LRIG3: variants seen among roughly 807,000 people sequenced by gnomAD.
The protein encoded by LRIG3 is leucine rich repeats and immunoglobulin like domains 3.
A neutral mutation model predicts 114.5 loss-of-function variants in LRIG3; 76 were observed. The observed-to-expected ratio is 0.66, with a 90% CI of 0.55 to 0.80. The LOEUF (loss-of-function observed/expected upper bound fraction) is 0.80. Among genes scored for constraint, LRIG3 ranks in the 30% least tolerant of loss-of-function variants. LRIG3 has a pLI of 0.00. For missense variants in LRIG3, 1,239 were observed against 1,382.8 expected (o/e 0.90, Z 1.65); for synonymous variants, 512 against 519.8 (o/e 0.98, Z 0.20).
At chr12:58,879,532 C>A (rs1013521107) in intron 13 of LRIG3, among the ~76,000 whole-genome samples, 5 of 152,138 alleles carry the variant, frequency 3.3e-5, no homozygotes, top group Non-Finnish European at 7.4e-5. Context: ...TTTTGCCCTA[C>A]AATTTAAACT....
intron 3 of LRIG3, among the ~76,000 whole-genome samples, chr12:58,909,176 T>C (rs1872179750): frequency 6.6e-6 from 1 of 152,206 alleles, no homozygotes; most frequent in Non-Finnish European, 1.5e-5. Context: ...TCTCCAGGAC[T>C]TAATCCCCTT....
intron 3 of LRIG3, among the ~76,000 whole-genome samples, chr12:58,900,744 A>G (rs555198578): frequency 2.0e-5 from 3 of 152,370 alleles, no homozygotes; most frequent in African/African-American, 4.8e-5. Flanking sequence ...ACATTCAGTT[A>G]AACTAATTTC....
At chr12:58,907,450 G>A (rs1872107399) in intron 3 of LRIG3, among the ~76,000 whole-genome samples, 1 of 152,134 alleles carries the variant, frequency 6.6e-6, no homozygotes, top group Non-Finnish European at 1.5e-5. Flanking sequence ...TTGCTGCCAG[G>A]ATAATGTTTC....
chr12:58,883,099 C>G, intron 11 of LRIG3, 67 bp from the exon 12 acceptor site: 1 of 1,464,162 alleles, frequency 6.8e-7, no homozygotes, highest in Non-Finnish European at 9.2e-7. Context: ...AAACTAAACC[C>G]AAGTAAATAT....
At chr12:58,901,914 G>A (rs924893019) in intron 3 of LRIG3, among the ~76,000 whole-genome samples, 2 of 152,144 alleles carry the variant, frequency 1.3e-5, no homozygotes, top group African/African-American at 2.4e-5. Context: ...CCCTTCCAGG[G>A]ATTTCTCTAC....
intron 3 of LRIG3, among the ~76,000 whole-genome samples, chr12:58,911,620 C>A (rs538431397): frequency 6.6e-6 from 1 of 152,146 alleles, no homozygotes; most frequent in Non-Finnish European, 1.5e-5. Context: ...TTAATTGTGA[C>A]GCTACAGCAA....
At chr12:58,878,540 G>C (rs1317404298) in intron 14 of LRIG3, among the ~76,000 whole-genome samples, 1 of 152,090 alleles carries the variant, frequency 6.6e-6, no homozygotes, top group African/African-American at 2.4e-5. Context: ...GAAATTAGAG[G>C]AGGGTGATCC....
chr12:58,899,587 CCTTT>C (rs972944134), intron 3 of LRIG3, among the ~76,000 whole-genome samples: 7 of 151,318 alleles, frequency 4.6e-5, no homozygotes, highest in Admixed American at 4.6e-4. Flanking sequence ...GACATAGTAC[CCTTT>C]CTTTTCTCTC....
At chr12:58,880,329 AAG>A in intron 13 of LRIG3, 2 of 627,678 alleles carry the variant, frequency 3.2e-6, no homozygotes, top group Non-Finnish European at 5.7e-6. Context: ...AGAAAAAAAA[AAG>A]AGCAAAAACA....
At chr12:58,913,212 ATTT>A (rs1224230646) in intron 3 of LRIG3, among the ~76,000 whole-genome samples, 1 of 152,228 alleles carries the variant, frequency 6.6e-6, no homozygotes, top group African/African-American at 2.4e-5. Flanking sequence ...AAAGAAAAAC[ATTT>A]TTTAACATCA....
At chr12:58,877,942 C>A in intron 14 of LRIG3, 90 bp from the exon 15 acceptor site, 1 of 1,312,110 alleles carries the variant, frequency 7.6e-7, no homozygotes, top group Non-Finnish European at 1.0e-6. Context: ...CAAATTGTAA[C>A]CTAAAATTTT....
intron 3 of LRIG3, among the ~76,000 whole-genome samples, chr12:58,898,860 T>C (rs997884297): frequency 4.6e-5 from 7 of 151,950 alleles, no homozygotes; most frequent in African/African-American, 7.3e-5. Context: ...AGTTTCACCA[T>C]GTTGGCCAGG....
chr12:58,914,523 T>C (rs1872404930), intron 1 of LRIG3, 187 bp from the exon 2 acceptor site: 1 of 557,376 alleles, frequency 1.8e-6, no homozygotes, highest in Non-Finnish European at 3.2e-6. Context: ...CAAAATTAGT[T>C]TAGGGAGACT....
chr12:58,889,527 AT>A (rs5798474), intron 5 of LRIG3, among the ~76,000 whole-genome samples: 30,646 of 151,846 alleles, frequency 0.2, 4,559 homozygotes, highest in African/African-American at 0.41. Context: ...GGGCAGTGAG[AT>A]TTTTTAAAAG....
intron 3 of LRIG3, among the ~76,000 whole-genome samples, chr12:58,907,451 A>G (rs1020272791): frequency 4.6e-5 from 7 of 152,162 alleles, no homozygotes; most frequent in Non-Finnish European, 1.0e-4. Flanking sequence ...TGCTGCCAGG[A>G]TAATGTTTCT....
Position 58,876,456 on chromosome 12 carries a change from T to C in LRIG3, c.2684A>G (p.His895Arg). 4 of 1,614,052 alleles carry C rather than the reference T, an allele frequency of 2.5e-6. No homozygotes were observed. Among genetic ancestry groups the C allele is most frequent in the Admixed American group, 3.3e-5 (2 of 60,004 alleles). The change falls in exon 16 of 19, where the codon CAT becomes CGT. Residue 895 changes from histidine to arginine, a missense_variant. Transcript: ENST00000320743. ...SSGAGFFLPQHDSSGTCHIDN... is the reference protein window; with the variant it reads ...SSGAGFFLPQRDSSGTCHIDN... ...TTTTAAACACTTACCACTACTGTCATGTTGTGGTAAGAAAAATCCAGCACC... is the reference window on the plus strand; with the variant it reads ...TTTTAAACACTTACCACTACTGTCACGTTGTGGTAAGAAAAATCCAGCACC...
rs1872615398 is a variant in LRIG3 at position 58,920,065 on chromosome 12, C to T, written c.171G>A (p.Leu57=). The change falls in exon 1 of 19, where the codon CTG becomes CTA. Residue 57 remains leucine, a synonymous_variant. Coordinates refer to ENST00000320743, the MANE Select transcript of LRIG3 (RefSeq NM_153377.5). ...CTAGCCGCTTACGACTGCAGTCCAG[C>T]AGGTCCCCGAGGCAGCGGCAGGTAG... ...CPTTCRCLGD[L]LDCSRKRLAR... is the part of the protein sequence containing the mutation. 2.6e-6 allele frequency: 4 copies of T among 1,556,498 alleles called. No individual in the cohort carries two copies. The highest frequency in any genetic ancestry group is 3.5e-6 in the Non-Finnish European group (4 of 1,150,318).
In LRIG3 at chr12:58,878,929, C is replaced by T. The variant is rs142781704; in HGVS notation, c.1978G>A (p.Val660Met). The T allele has an allele frequency of 1.6e-4, 251 of 1,614,192 alleles. No individual in the cohort carries two copies. The highest frequency in any genetic ancestry group is 1.6e-4 in the Middle Eastern group (1 of 6,062). ...ATCTTCACATCCACGATAAAGAACA[C>T]GTCATCCTCGGGCATCACATGCATG... The part of the protein sequence containing the change: ...RRMHVMPEDD[V>M]FFIVDVKIED... The change falls in exon 14 of 19, where the codon GTG becomes ATG. Residue 660 changes from valine (V) to methionine (M), a missense_variant. By Grantham distance (21) the Val-to-Met change is conservative. Coordinates refer to ENST00000320743, the MANE Select transcript of LRIG3 (RefSeq NM_153377.5).
chr12:58,900,116 T>G (rs1592305773), intron 3 of LRIG3, among the ~76,000 whole-genome samples: 1 of 152,130 alleles, frequency 6.6e-6, no homozygotes, highest in East Asian at 1.9e-4. Flanking sequence ...CAGACCTCTG[T>G]GTCATGGGAA....
Sources: allele counts gnomAD v4.1 joint callset (sites outside exome capture counted in the v4.1 genomes callset), GRCh38; gene constraint gnomAD v4.1.1; transcripts MANE v1.5; gene names NCBI Gene and HGNC (gene_info 2026-07-23, HGNC 2026-07-21).